Variants in KIF26B observed in about 807,000 individuals in gnomAD.
KIF26B encodes the protein kinesin-like protein KIF26B.
Under a neutral mutation model 151.2 loss-of-function variants are expected in KIF26B, and 63 were observed. The ratio of observed to expected loss-of-function variants is 0.42; its 90% CI spans 0.34 to 0.51. The LOEUF (loss-of-function observed/expected upper bound fraction) is 0.51, where lower values mean the gene tolerates loss of function less well. KIF26B is among the 20% of genes least tolerant of loss of function. KIF26B has a pLI of 0.07. For missense variants in KIF26B, 2,813 were observed against 2,913.6 expected (o/e 0.97, Z 0.79); for synonymous variants, 1,357 against 1,262.1 (o/e 1.08, Z -1.59).
At chr1:245,416,147 G>A (rs1392791839) in intron 3 of KIF26B, among the ~76,000 whole-genome samples, 7 of 150,658 alleles carry the variant, frequency 4.6e-5, no homozygotes, top group Non-Finnish European at 3.0e-5. Context: ...AGGCACAGGG[G>A]CGCATGCCTG....
chr1:245,163,344 GT>G (rs529671544), intron 2 of KIF26B, among the ~76,000 whole-genome samples: 1,708 of 152,304 alleles, frequency 0.011, 15 homozygotes, highest in Non-Finnish European at 0.017. Flanking sequence ...GTTTCACCAT[GT>G]TGTCCAGGCT....
At chr1:245,349,541 T>C (rs903742545) in intron 2 of KIF26B, among the ~76,000 whole-genome samples, 41 of 148,070 alleles carry the variant, frequency 2.8e-4, no homozygotes, top group Non-Finnish European at 4.9e-4. Flanking sequence ...TGTTGATTTG[T>C]TTAAGAGAAA....
chr1:245,463,857 C>A (rs145267979), intron 4 of KIF26B, among the ~76,000 whole-genome samples: 2 of 152,286 alleles, frequency 1.3e-5, no homozygotes, highest in East Asian at 3.9e-4. Context: ...AGAGACAAGT[C>A]CCTTTCAGCT....
intron 2 of KIF26B, among the ~76,000 whole-genome samples, chr1:245,269,259 CCCT>C (rs1489263995): frequency 7.1e-6 from 1 of 141,514 alleles, no homozygotes; most frequent in Non-Finnish European, 1.5e-5. Context: ...GCCCCTCTCC[CCCT>C]CCTCCTCCCA....
intron 2 of KIF26B, among the ~76,000 whole-genome samples, chr1:245,272,515 T>C (rs1670871278): frequency 6.6e-6 from 1 of 152,108 alleles, no homozygotes; most frequent in Non-Finnish European, 1.5e-5. Context: ...TTCTATTTCA[T>C]TTCTTTCAAT....
chr1:245,646,688 CA>C (rs2043951507), intron 10 of KIF26B, among the ~76,000 whole-genome samples: 1 of 152,076 alleles, frequency 6.6e-6, no homozygotes, highest in Non-Finnish European at 1.5e-5. Context: ...GATATCCAGG[CA>C]AATTCAAATT....
At chr1:245,659,155 G>A (rs1462523572) in intron 10 of KIF26B, among the ~76,000 whole-genome samples, 1 of 152,062 alleles carries the variant, frequency 6.6e-6, no homozygotes, top group African/African-American at 2.4e-5. Flanking sequence ...GGAGGATTGC[G>A]TGAGCCTGGG....
intron 10 of KIF26B, among the ~76,000 whole-genome samples, chr1:245,663,704 C>T (rs965557366): frequency 1.4e-4 from 22 of 152,154 alleles, no homozygotes; most frequent in African/African-American, 5.1e-4. Flanking sequence ...TATTTTTGAC[C>T]ACCCAGATAT....
chr1:245,587,661 G>A (rs2043242440), intron 5 of KIF26B, among the ~76,000 whole-genome samples: 1 of 152,176 alleles, frequency 6.6e-6, no homozygotes, highest in African/African-American at 2.4e-5. Context: ...AGTGTAGTTT[G>A]TAGGTTCACC....
At chr1:245,588,682 T>C (rs2043253657) in intron 5 of KIF26B, among the ~76,000 whole-genome samples, 1 of 152,238 alleles carries the variant, frequency 6.6e-6, no homozygotes, top group Non-Finnish European at 1.5e-5. Context: ...TACGTGGAAA[T>C]GCCACCATCT....
intron 4 of KIF26B, among the ~76,000 whole-genome samples, chr1:245,497,550 A>G (rs770560828): frequency 3.3e-5 from 5 of 152,226 alleles, no homozygotes; most frequent in Admixed American, 6.5e-5. Context: ...CCAACAGGTT[A>G]AAGAAGAAAT....
chr1:245,174,431 AAAAG>A (rs1203715990), intron 2 of KIF26B, among the ~76,000 whole-genome samples: 1 of 152,176 alleles, frequency 6.6e-6, no homozygotes, highest in Non-Finnish European at 1.5e-5. Flanking sequence ...ACAAGAAAAA[AAAAG>A]AGAGAGAAGG....
intron 2 of KIF26B, among the ~76,000 whole-genome samples, chr1:245,323,732 A>G (rs1322046358): frequency 6.6e-6 from 1 of 152,226 alleles, no homozygotes; most frequent in African/African-American, 2.4e-5. Flanking sequence ...TAATTAATCG[A>G]CCCATCTATT....
At chr1:245,179,915 G>A (rs1668874424) in intron 2 of KIF26B, among the ~76,000 whole-genome samples, 1 of 152,204 alleles carries the variant, frequency 6.6e-6, no homozygotes, top group Non-Finnish European at 1.5e-5. Context: ...CCTGGCGCAT[G>A]GCCTGTGCGG....
chr1:245,408,809 A>C (rs1166434279), intron 3 of KIF26B, among the ~76,000 whole-genome samples: 1 of 152,190 alleles, frequency 6.6e-6, no homozygotes, highest in Admixed American at 6.5e-5. Flanking sequence ...CACAGGCCTT[A>C]TCTGCTCCAG....
At chr1:245,476,700 G>A (rs1471293872) in intron 4 of KIF26B, among the ~76,000 whole-genome samples, 2 of 151,280 alleles carry the variant, frequency 1.3e-5, no homozygotes, top group Non-Finnish European at 3.0e-5. Flanking sequence ...CATGCCCAGC[G>A]ATTTTTTGTA....
intron 3 of KIF26B, chr1:245,371,519 C>T (rs1052864156): frequency 3.3e-5 from 5 of 152,108 alleles, no homozygotes; most frequent in African/African-American, 7.2e-5. Flanking sequence ...CCGCGGGACC[C>T]GAGCCTCTAG....
At chr1:245,463,546 A>G (rs1659700357) in intron 4 of KIF26B, among the ~76,000 whole-genome samples, 1 of 152,066 alleles carries the variant, frequency 6.6e-6, no homozygotes, top group African/African-American at 2.4e-5. Flanking sequence ...AAGTATTTGG[A>G]TCGTTGGGAA....
intron 4 of KIF26B, among the ~76,000 whole-genome samples, chr1:245,499,414 C>T (rs549501963): frequency 2.0e-5 from 3 of 152,250 alleles, no homozygotes; most frequent in East Asian, 1.9e-4. Flanking sequence ...GGGGCAAAGC[C>T]GAATAAGGGT....
Sources: allele counts gnomAD v4.1 joint callset (sites outside exome capture counted in the v4.1 genomes callset), GRCh38; gene constraint gnomAD v4.1.1; transcripts MANE v1.5; gene names NCBI Gene and HGNC (gene_info 2026-07-23, HGNC 2026-07-21).